PRDM5: variants seen among roughly 807,000 people sequenced by gnomAD.
The protein encoded by PRDM5 is PR/SET domain 5.
A neutral mutation model predicts 81.2 loss-of-function variants in PRDM5; 56 were observed. The ratio of observed to expected loss-of-function variants is 0.69; its 90% CI spans 0.56 to 0.86. The LOEUF (loss-of-function observed/expected upper bound fraction) is 0.86. Ranked by LOEUF, PRDM5 falls within the 40% of genes least tolerant of loss-of-function variation. PRDM5 has a pLI of 0.00. For synonymous variants in PRDM5, 267 were observed against 256.4 expected, an observed-to-expected ratio of 1.04 and a Z score of -0.39; for missense variants, 697 against 770.1, an observed-to-expected ratio of 0.91 and a Z score of 1.12.
At chr4:120,741,485 CG>C (rs1312009874) in intron 14 of PRDM5, among the ~76,000 whole-genome samples, 3 of 151,582 alleles carry the variant, frequency 2.0e-5, no homozygotes, top group Middle Eastern at 6.8e-3. Context: ...ACGCAGAAGA[CG>C]GGTGATTACT....
intron 14 of PRDM5, among the ~76,000 whole-genome samples, chr4:120,732,583 A>G (rs1312838761): frequency 7.7e-6 from 1 of 129,924 alleles, no homozygotes; most frequent in African/African-American, 2.9e-5. Flanking sequence ...TCAGGACAAT[A>G]CAACAGGTTA....
chr4:120,733,781 A>G (rs1740620349), intron 14 of PRDM5, among the ~76,000 whole-genome samples: 1 of 152,136 alleles, frequency 6.6e-6, no homozygotes. Context: ...AATACCAATG[A>G]GGATGAGGAT....
chr4:120,788,577 T>C (rs1198713998), intron 10 of PRDM5, among the ~76,000 whole-genome samples: 2 of 152,238 alleles, frequency 1.3e-5, no homozygotes. Context: ...TGCTCCCATC[T>C]TCTAAAAATA....
At chr4:120,745,594 C>T (rs1363462553) in intron 14 of PRDM5, among the ~76,000 whole-genome samples, 1 of 143,722 alleles carries the variant, frequency 7.0e-6, no homozygotes, top group Non-Finnish European at 1.5e-5. Flanking sequence ...TCTCAGGATA[C>T]AAAATCAATG....
chr4:120,707,216 A>G (rs749691481), intron 15 of PRDM5, among the ~76,000 whole-genome samples: 5 of 152,118 alleles, frequency 3.3e-5, no homozygotes, highest in Non-Finnish European at 7.4e-5. Flanking sequence ...AGAGCATATT[A>G]AAAGGGTTCT....
Position 120,821,363 on chromosome 4 carries a change from A to T in PRDM5, c.301-18T>A, listed in dbSNP as rs1313412512. On this transcript the variant is annotated intron_variant, in intron 3 of 15. Coordinates refer to ENST00000264808, the MANE Select transcript of PRDM5 (RefSeq NM_018699.4). ...TCTCCTTCCTGAAACAAATTTTTTT[A>T]AATGCTGAACCATTCATTTGTTTCT... 6.2e-7 allele frequency: 1 copy of T among 1,603,016 alleles called. No individual in the cohort carries two copies. Among genetic ancestry groups the T allele is most frequent in the African/African-American group, 1.3e-5 (1 of 74,656 alleles).
At chr4:120,874,801 A>G (rs343202) in intron 2 of PRDM5, among the ~76,000 whole-genome samples, 68,244 of 152,030 alleles carry the variant, frequency 0.45, 15,520 homozygotes, top group Non-Finnish European at 0.47. Flanking sequence ...CTGGTCCCAG[A>G]TTGCAGATTT....
intron 13 of PRDM5, among the ~76,000 whole-genome samples, chr4:120,769,495 G>A (rs1418253462): frequency 6.6e-6 from 1 of 152,114 alleles, no homozygotes; most frequent in Non-Finnish European, 1.5e-5. Context: ...GTGAGGGGTC[G>A]GTAGTTGATA....
rs150331424 is a variant in PRDM5, at chr4:120,741,486, G to T, written c.1623+13067C>A. ...TCCCAGCCTGAACCACGCAGAAGACGGGTGATTACTGCATTTCCATCTGAG... is the reference window on the plus strand; with the variant it reads ...TCCCAGCCTGAACCACGCAGAAGACTGGTGATTACTGCATTTCCATCTGAG... On this transcript the variant is annotated intron_variant, in intron 14 of 15. Coordinates refer to ENST00000264808, the MANE Select transcript of PRDM5 (RefSeq NM_018699.4). Among the ~76,000 whole-genome samples, 154 of 151,594 alleles carry T rather than the reference G, an allele frequency of 1.0e-3. 1 individual carries two copies. The highest frequency in any genetic ancestry group is 1.1e-3 in the Non-Finnish European group (72 of 67,956).
intron 2 of PRDM5, among the ~76,000 whole-genome samples, chr4:120,905,875 A>G (rs531393019): frequency 2.6e-4 from 39 of 152,238 alleles, no homozygotes; most frequent in African/African-American, 9.1e-4. Flanking sequence ...TTGGGTCACA[A>G]TGCAATGTTT....
At chr4:120,739,372 C>T (rs1741569687) in intron 14 of PRDM5, among the ~76,000 whole-genome samples, 1 of 152,200 alleles carries the variant, frequency 6.6e-6, no homozygotes, top group African/African-American at 2.4e-5. Context: ...TACCTTACTA[C>T]ACCATTATTC....
intron 3 of PRDM5, among the ~76,000 whole-genome samples, chr4:120,845,075 A>G (rs1363982039): frequency 6.6e-6 from 1 of 152,216 alleles, no homozygotes; most frequent in Non-Finnish European, 1.5e-5. Context: ...CTGCAGAAGA[A>G]AGGCTGGATG....
Position 120,798,359 on chromosome 4 carries a change from G to A in PRDM5, c.1096C>T (p.His366Tyr), listed in dbSNP as rs1286660908. 6.2e-7 allele frequency: 1 copy of A among 1,613,184 alleles called. No homozygotes were observed. Among genetic ancestry groups the A allele is most frequent in the African/African-American group, 1.3e-5 (1 of 74,820 alleles). Residue 366 changes from histidine (H) to tyrosine (Y), a missense_variant, in exon 10 of 16, where the codon CAC becomes TAC. This residue lies in a region of PRDM5 where 577 missense variants were observed against 606.7 expected (regional missense o/e 0.95). Transcript: ENST00000264808. ...TTGTCTTCGCTGTGTATTACTTTGT[G>A]AGCACCCACTTGATCAAGCCTCTTG... is the stretch of plus-strand genomic sequence containing the variant. ...SFKRLDQVGA[H>Y]KVIHSEDKPY...
intron 8 of PRDM5, among the ~76,000 whole-genome samples, chr4:120,800,256 T>A (rs1391106672): frequency 6.6e-6 from 1 of 152,164 alleles, no homozygotes; most frequent in South Asian, 2.1e-4. Context: ...TGGCTCACAT[T>A]TGTAATCCCA....
In PRDM5 at chr4:120,852,498, C is replaced by T. The variant is rs72921600; in HGVS notation, c.300+920G>A. ...TCTCCTAACAGCCTGCAACCTGGAACGCTAGCTCTTCTTGCCTGATGGGTT... is the reference window on the plus strand; with the variant it reads ...TCTCCTAACAGCCTGCAACCTGGAATGCTAGCTCTTCTTGCCTGATGGGTT... On this transcript the variant is annotated intron_variant, in intron 3 of 15. Transcript: ENST00000264808. 3.1e-3 allele frequency among the ~76,000 whole-genome samples: 467 copies of T among 152,184 alleles called. 2 individuals carry two copies. The highest frequency in any genetic ancestry group is 0.01 in the Middle Eastern group (3 of 294).
chr4:120,730,844 T>C (rs543225715), intron 14 of PRDM5, among the ~76,000 whole-genome samples: 6 of 152,170 alleles, frequency 3.9e-5, no homozygotes, highest in Non-Finnish European at 7.3e-5. Flanking sequence ...ACACTCTTTG[T>C]GGATATACCA....
At chr4:120,746,777 G>A (rs1200793952) in intron 14 of PRDM5, among the ~76,000 whole-genome samples, 1 of 142,944 alleles carries the variant, frequency 7.0e-6, no homozygotes, top group African/African-American at 2.6e-5. Context: ...TAAAAAGTCA[G>A]GAAACAACAG....
In PRDM5 at chr4:120,752,365, C is replaced by G. The variant is rs115188928; in HGVS notation, c.1623+2188G>C. 7.7e-3 allele frequency among the ~76,000 whole-genome samples: 1,173 copies of G among 152,238 alleles called. 16 individuals are homozygous for G. Among genetic ancestry groups the G allele is most frequent in the African/African-American group, 0.027 (1,102 of 41,534 alleles). On this transcript the variant is annotated intron_variant, in intron 14 of 15. Transcript: ENST00000264808. ...CCCAAAAGGCTTACACATATTTACC[C>G]TGTTCCTTGGATCTTCTACTCATTA...
chr4:120,716,892 C>T (rs896922007), intron 14 of PRDM5, among the ~76,000 whole-genome samples: 1 of 152,024 alleles, frequency 6.6e-6, no homozygotes, highest in Non-Finnish European at 1.5e-5. Context: ...AGAGTAAACC[C>T]TCACATAGAC....
Sources: allele counts gnomAD v4.1 joint callset (sites outside exome capture counted in the v4.1 genomes callset), GRCh38; gene constraint gnomAD v4.1.1; regional missense constraint gnomAD v4.1.1; transcripts MANE v1.5; gene names NCBI Gene and HGNC (gene_info 2026-07-23, HGNC 2026-07-21).